ALG1L2: variants seen among roughly 807,000 people sequenced by gnomAD.
The protein encoded by ALG1L2 is putative glycosyltransferase ALG1L2.
A neutral mutation model predicts 29.0 loss-of-function variants in ALG1L2; 32 were observed. The ratio of observed to expected loss-of-function variants is 1.10; its 90% CI spans 0.83 to 1.48. The LOEUF (loss-of-function observed/expected upper bound fraction) is 1.48, where lower values mean the gene tolerates loss of function less well. Among genes scored for constraint, ALG1L2 ranks in the 40% most tolerant of loss-of-function variants. The pLI is 0.00. For synonymous variants in ALG1L2, 110 were observed against 109.5 expected, an observed-to-expected ratio of 1.00 and a Z score of -0.03; for missense variants, 318 against 274.1, an observed-to-expected ratio of 1.16 and a Z score of -1.13.
At chr3:130,087,438 C>G (rs1251298646) in intron 1 of ALG1L2, among the ~76,000 whole-genome samples, 3 of 150,130 alleles carry the variant, frequency 2.0e-5, no homozygotes, top group Admixed American at 1.3e-4. Context: ...AATGCATGAT[C>G]TGGGATGATC....
chr3:130,084,946 A>ATTT (rs1346264147), intron 1 of ALG1L2, among the ~76,000 whole-genome samples: 3 of 96,018 alleles, frequency 3.1e-5, no homozygotes, highest in Non-Finnish European at 7.4e-5. Flanking sequence ...AGATATATAT[A>ATTT]ATTTTATTTA....
chr3:130,097,345 G>T, intron 7 of ALG1L2, 95 bp downstream of exon 7: 2 of 1,527,218 alleles, frequency 1.3e-6, no homozygotes, highest in Non-Finnish European at 1.7e-6. Flanking sequence ...GCCAGGGTGG[G>T]ACCATGCGGG....
intron 7 of ALG1L2, among the ~76,000 whole-genome samples, chr3:130,097,739 G>A (rs1935174410): frequency 6.6e-6 from 1 of 152,196 alleles, no homozygotes; most frequent in Non-Finnish European, 1.5e-5. Context: ...CAGAACCATG[G>A]TACTCTGTTG....
intron 1 of ALG1L2, among the ~76,000 whole-genome samples, chr3:130,086,017 G>T (rs1327902676): frequency 2.0e-5 from 3 of 151,506 alleles, no homozygotes; most frequent in Non-Finnish European, 3.0e-5. Context: ...ACTGCTCATT[G>T]CTCTGCCTGC....
chr3:130,087,545 C>T (rs1466468657), intron 1 of ALG1L2, among the ~76,000 whole-genome samples: 1 of 148,820 alleles, frequency 6.7e-6, no homozygotes, highest in African/African-American at 2.4e-5. Context: ...TGATTTTGAT[C>T]ATTGCCTTGG....
Position 130,082,748 on chromosome 3 carries a change from G to A in ALG1L2, c.20+712G>A, listed in dbSNP as rs1347770232. 4.0e-5 allele frequency among the ~76,000 whole-genome samples: 6 copies of A among 148,664 alleles called. No homozygotes were observed. In the East Asian group the frequency reaches 1.2e-3, roughly 29 times the overall value. On this transcript the variant is annotated intron_variant, in intron 1 of 7. Transcript: ENST00000425059. Reference sequence around the variant, plus strand: ...CGTCCCTTGCCACCGCACTCCCCATGGCGTGTCTGCTGTGCCCTGAGCATA... The same window carrying A: ...CGTCCCTTGCCACCGCACTCCCCATAGCGTGTCTGCTGTGCCCTGAGCATA...
At chr3:130,097,973 G>T (rs964096483) in intron 7 of ALG1L2, among the ~76,000 whole-genome samples, 1 of 152,224 alleles carries the variant, frequency 6.6e-6, no homozygotes, top group Non-Finnish European at 1.5e-5. Flanking sequence ...GCTCACAGGG[G>T]AACGTACATC....
chr3:130,091,645 C>G (rs765420542), intron 2 of ALG1L2: 2 of 566,066 alleles, frequency 3.5e-6, no homozygotes, highest in Non-Finnish European at 6.3e-6. Context: ...CTCTCTGACC[C>G]TTTAAGGAAT....
chr3:130,090,370 A>T (rs76543315), intron 1 of ALG1L2, among the ~76,000 whole-genome samples: 1 of 151,340 alleles, frequency 6.6e-6, no homozygotes, highest in African/African-American at 2.4e-5. Context: ...ATAAAGAAAG[A>T]AATAAAAATA....
At chr3:130,090,320 G>A (rs1010579227) in intron 1 of ALG1L2, among the ~76,000 whole-genome samples, 34 of 152,368 alleles carry the variant, frequency 2.2e-4, no homozygotes, top group Middle Eastern at 3.4e-3. Flanking sequence ...GCACCAAGGC[G>A]CTCCAGCCTG....
intron 6 of ALG1L2, among the ~76,000 whole-genome samples, 152 bp downstream of exon 6, chr3:130,096,315 T>C (rs956973455): frequency 1.4e-4 from 22 of 152,208 alleles, no homozygotes; most frequent in African/African-American, 5.1e-4. Flanking sequence ...CTGCGGTTAC[T>C]GTGGCTGGGC....
intron 5 of ALG1L2, among the ~76,000 whole-genome samples, chr3:130,094,807 C>T (rs544452073): frequency 9.8e-5 from 15 of 152,346 alleles, no homozygotes; most frequent in Admixed American, 9.1e-4. Context: ...GGGGTTGGGG[C>T]CACTGTTGCC....
At chr3:130,086,582 C>A (rs949583429) in intron 1 of ALG1L2, among the ~76,000 whole-genome samples, 11 of 150,218 alleles carry the variant, frequency 7.3e-5, no homozygotes, top group African/African-American at 2.4e-4. Context: ...GAGGCTAAGG[C>A]AGGAGGATTG....
intron 1 of ALG1L2, among the ~76,000 whole-genome samples, chr3:130,083,089 T>C (rs116158394): frequency 0.28 from 13,766 of 48,604 alleles, 250 homozygotes; most frequent in Admixed American, 0.29. Context: ...TTCTTCCTTA[T>C]GCATCAGTAA....
intron 5 of ALG1L2, among the ~76,000 whole-genome samples, chr3:130,095,132 A>G (rs1044543429): frequency 1.3e-5 from 2 of 152,084 alleles, no homozygotes; most frequent in African/African-American, 4.8e-5. Context: ...GGTTCAAGCA[A>G]TTCTCCCACC....
chr3:130,094,129 G>A, intron 4 of ALG1L2: 3 of 482,002 alleles, frequency 6.2e-6, no homozygotes, highest in South Asian at 4.2e-5. Flanking sequence ...GGGTGGTCGC[G>A]TGCCAGGCCA....
chr3:130,097,752 G>C (rs1204256614), intron 7 of ALG1L2, among the ~76,000 whole-genome samples: 1,965 of 138,836 alleles, frequency 0.014, no homozygotes, highest in African/African-American at 0.054. Context: ...CTCTGTTGTG[G>C]TGTGAAAGTA....
At chr3:130,084,924 G>A (rs6783164) in intron 1 of ALG1L2, among the ~76,000 whole-genome samples, 28,808 of 117,910 alleles carry the variant, frequency 0.24, 727 homozygotes, top group Middle Eastern at 0.3. Flanking sequence ...GTGTGTGTGT[G>A]TATATATATA....
intron 1 of ALG1L2, among the ~76,000 whole-genome samples, chr3:130,082,871 T>G (rs1342785176): frequency 8.4e-5 from 12 of 143,586 alleles, no homozygotes; most frequent in Non-Finnish European, 1.3e-4. Context: ...CAAGAGATGC[T>G]GACAGCACCA....
Sources: allele counts gnomAD v4.1 joint callset (sites outside exome capture counted in the v4.1 genomes callset), GRCh38; gene constraint gnomAD v4.1.1; transcripts MANE v1.5; gene names NCBI Gene and HGNC (gene_info 2026-07-23, HGNC 2026-07-21).